The following POLA1 variants were observed in gnomAD, a reference collection of about 807,000 sequenced individuals.
POLA1 encodes the protein DNA polymerase alpha catalytic subunit.
POLA1 carries 15 observed loss-of-function variants against 124.0 expected under a neutral mutation model. The observed-to-expected ratio is 0.12, with a 90% CI of 0.08 to 0.19. The LOEUF is 0.19. Among genes scored for constraint, POLA1 ranks in the 10% least tolerant of loss-of-function variants. POLA1 has a pLI of 1.00. For missense variants in POLA1, 886 were observed against 1,103.4 expected, an observed-to-expected ratio of 0.80 and a Z score of 2.79; for synonymous variants, 408 against 389.4, an observed-to-expected ratio of 1.05 and a Z score of -0.56.
chrX:24,788,823 C>T (rs766886493), intron 26 of POLA1: 43 of 1,194,356 alleles, frequency 3.6e-5, no homozygotes, highest in Non-Finnish European at 4.8e-5. Context: ...TCTTCCACAT[C>T]GGCAGGACCA....
intron 26 of POLA1, among the ~76,000 whole-genome samples, chrX:24,774,407 G>A (rs751320368): frequency 6.3e-5 from 7 of 111,966 alleles, no homozygotes; most frequent in Non-Finnish European, 1.3e-4. Flanking sequence ...CCTGCAAAGT[G>A]TATCTCAGAA....
chrX:24,699,995 G>A (rs192636379), intron 2 of POLA1, among the ~76,000 whole-genome samples: 3 of 99,513 alleles, frequency 3.0e-5, no homozygotes, highest in African/African-American at 1.1e-4. Flanking sequence ...AACTTCTGCC[G>A]TGTTCTGCTT....
At chrX:24,720,901 G>C (rs1930161713) in intron 10 of POLA1, among the ~76,000 whole-genome samples, 2 of 112,292 alleles carry the variant, frequency 1.8e-5, no homozygotes, top group South Asian at 7.4e-4. Context: ...CCACATTTCA[G>C]GTGTTCAATA....
intron 35 of POLA1, among the ~76,000 whole-genome samples, chrX:24,898,783 A>G (rs908951989): frequency 5.4e-5 from 6 of 112,117 alleles, no homozygotes; most frequent in African/African-American, 1.9e-4. Flanking sequence ...TTAACCCTTC[A>G]AAGACTTGAA....
chrX:24,904,616 T>G (rs2047334065), intron 35 of POLA1, among the ~76,000 whole-genome samples: 1 of 111,046 alleles, frequency 9.0e-6, no homozygotes, highest in African/African-American at 3.3e-5. Context: ...CATGACAAGT[T>G]AGATAACTAA....
At chrX:24,949,738 T>G (rs375690148) in intron 36 of POLA1, among the ~76,000 whole-genome samples, 1 of 109,806 alleles carries the variant, frequency 9.1e-6, no homozygotes, top group Admixed American at 9.8e-5. Flanking sequence ...CTCTTTTTTT[T>G]TCTTTTTTTT....
intron 26 of POLA1, among the ~76,000 whole-genome samples, chrX:24,778,256 T>C (rs967418251): frequency 9.0e-6 from 1 of 111,453 alleles, no homozygotes; most frequent in Non-Finnish European, 1.9e-5. Flanking sequence ...ATTTTTTTTT[T>C]CCCCAAGATG....
chrX:24,937,704 C>G (rs1442614379), intron 36 of POLA1, among the ~76,000 whole-genome samples: 5 of 111,938 alleles, frequency 4.5e-5, no homozygotes, highest in African/African-American at 1.6e-4. Flanking sequence ...CAGACCCACC[C>G]CTGACCTACT....
At chrX:24,701,559 C>G (rs891788832) in intron 2 of POLA1, among the ~76,000 whole-genome samples, 1 of 108,767 alleles carries the variant, frequency 9.2e-6, no homozygotes, top group Non-Finnish European at 1.9e-5. Context: ...CTTCAGCCTC[C>G]CAAGTAGCTG....
At chrX:24,803,930 TAAAAAAAAAAAAAA>T (rs34721601) in intron 26 of POLA1, among the ~76,000 whole-genome samples, 1 of 13,841 alleles carries the variant, frequency 7.2e-5, no homozygotes, top group Admixed American at 1.4e-3. Flanking sequence ...ACCCTAGACT[TAAAAAAAAAAAAAA>T]AAAAAAAAAA....
At chrX:24,834,132 G>A (rs1252216711) in intron 32 of POLA1, among the ~76,000 whole-genome samples, 3 of 101,274 alleles carry the variant, frequency 3.0e-5, no homozygotes, top group Admixed American at 2.1e-4. Flanking sequence ...AAAAAAAAAG[G>A]AAGAAGACAC....
chrX:24,984,071 G>A (rs2048451940), intron 36 of POLA1, among the ~76,000 whole-genome samples: 1 of 112,481 alleles, frequency 8.9e-6, no homozygotes, highest in South Asian at 3.7e-4. Flanking sequence ...ATCATTGAGT[G>A]TAAGAGACAC....
chrX:24,727,916 G>A lies in POLA1; in HGVS notation c.1666G>A (p.Ala556Thr). The change falls in exon 15 of 37, where the codon GCA (alanine) becomes ACA (threonine). Residue 556 changes from alanine (A) to threonine (T), a missense_variant. Physicochemically the swap from Ala to Thr is moderately conservative, Grantham distance 58 (BLOSUM62 0). Coordinates refer to ENST00000379068, the MANE Select transcript of POLA1 (RefSeq NM_001330360.2). ...TTTCAGCATGAAGACAATGCAGAAT[G>A]CAAAGAACCATCAAAATGAGGTTTA... is the stretch of plus-strand genomic sequence containing the variant. ...MAFSMKTMQN[A>T]KNHQNEIIAM... 8.3e-7 allele frequency: 1 copy of A among 1,207,580 alleles called. No homozygotes were observed.
At chrX:24,993,710 C>G (rs1454238338) in intron 36 of POLA1, among the ~76,000 whole-genome samples, 1 of 111,916 alleles carries the variant, frequency 8.9e-6, no homozygotes, top group African/African-American at 3.3e-5. Context: ...GACAGCTAGT[C>G]CAGTTCTGTT....
At chrX:24,896,751 C>T (rs1280255607) in intron 35 of POLA1, among the ~76,000 whole-genome samples, 1 of 112,186 alleles carries the variant, frequency 8.9e-6, no homozygotes, top group Non-Finnish European at 1.9e-5. Flanking sequence ...GACATGTAGA[C>T]TTTTCATGGC....
At chrX:24,829,270 C>T (rs775313621) in intron 32 of POLA1, among the ~76,000 whole-genome samples, 1 of 111,679 alleles carries the variant, frequency 9.0e-6, no homozygotes, top group South Asian at 3.8e-4. Context: ...AATGTGTCCT[C>T]GGCCTTGAGG....
intron 23 of POLA1, among the ~76,000 whole-genome samples, 182 bp from the exon 24 acceptor site, chrX:24,745,236 A>T (rs1215355827): frequency 1.8e-5 from 2 of 110,923 alleles, no homozygotes; most frequent in African/African-American, 6.6e-5. Flanking sequence ...GCTTTTCACT[A>T]ATCCGCATCA....
At chrX:24,923,115 G>T (rs191857044) in intron 35 of POLA1, among the ~76,000 whole-genome samples, 2 of 111,544 alleles carry the variant, frequency 1.8e-5, no homozygotes, top group African/African-American at 3.3e-5. Context: ...GAAGCCAGCC[G>T]TGTCTCCTCA....
intron 26 of POLA1, among the ~76,000 whole-genome samples, chrX:24,776,177 A>G (rs746464971): frequency 8.9e-6 from 1 of 112,566 alleles, no homozygotes; most frequent in Admixed American, 9.4e-5. Flanking sequence ...AGCTGACTAT[A>G]TTTATTTTAT....
Sources: gnomAD v4.1 joint callset for allele counts (sites outside exome capture counted in the v4.1 genomes callset) on GRCh38, gnomAD v4.1.1 for gene constraint, MANE v1.5 for transcripts, NCBI Gene and HGNC (gene_info 2026-07-23, HGNC 2026-07-21) for gene names.